The following SYT1 variants were observed in gnomAD, a reference collection of about 807,000 sequenced individuals.
SYT1 encodes the protein synaptotagmin-1.
A neutral mutation model predicts 44.8 loss-of-function variants in SYT1; 8 were observed. That is an observed-to-expected ratio of 0.18 (90% CI 0.10 to 0.32). SYT1 has a LOEUF of 0.32. SYT1 is among the 10% of genes least tolerant of loss of function. The pLI, the probability that SYT1 is intolerant of heterozygous loss-of-function variation, is 1.00. For missense variants in SYT1, 286 were observed against 509.3 expected (o/e 0.56, Z 4.22); for synonymous variants, 154 against 188.8 (o/e 0.82, Z 1.51).
chr12:79,416,817 TAAAG>T (rs1367334796), intron 9 of SYT1, among the ~76,000 whole-genome samples: 2 of 152,116 alleles, frequency 1.3e-5, no homozygotes, highest in African/African-American at 2.4e-5. Flanking sequence ...ACACTATTGA[TAAAG>T]AAAGAAGATA....
chr12:78,977,617 G>T (rs1364443366), intron 1 of SYT1, 182 bp from the exon 2 acceptor site: 2 of 152,116 alleles, frequency 1.3e-5, no homozygotes, highest in East Asian at 3.9e-4. Context: ...ATACCTATTG[G>T]TTCTTAGCCT....
At chr12:79,418,492 G>A (rs1359743430) in intron 9 of SYT1, among the ~76,000 whole-genome samples, 4 of 152,174 alleles carry the variant, frequency 2.6e-5, no homozygotes, top group South Asian at 2.1e-4. Flanking sequence ...TGAAGAGCCC[G>A]AACCTGTTAG....
At chr12:78,920,227 G>C (rs2137158826) in intron 1 of SYT1, among the ~76,000 whole-genome samples, 1 of 152,064 alleles carries the variant, frequency 6.6e-6, no homozygotes, top group Non-Finnish European at 1.5e-5. Flanking sequence ...ATGTAGTGAT[G>C]ACTTCTTACC....
intron 3 of SYT1, among the ~76,000 whole-genome samples, chr12:79,125,020 T>G (rs957567183): frequency 1.3e-5 from 2 of 152,126 alleles, no homozygotes; most frequent in African/African-American, 2.4e-5. Context: ...TTGTGGGTTT[T>G]GTTTGGTTTG....
intron 3 of SYT1, among the ~76,000 whole-genome samples, chr12:79,079,573 A>G (rs1014264999): frequency 6.6e-6 from 1 of 152,096 alleles, no homozygotes; most frequent in East Asian, 1.9e-4. Flanking sequence ...AATAAAATTA[A>G]TGTATCAAAG....
chr12:79,038,223 A>T (rs533389464), intron 2 of SYT1, among the ~76,000 whole-genome samples: 9 of 151,242 alleles, frequency 6.0e-5, no homozygotes, highest in African/African-American at 2.2e-4. Flanking sequence ...ACATATATAT[A>T]TACACACATA....
chr12:79,180,773 A>C (rs2052938086), intron 3 of SYT1, among the ~76,000 whole-genome samples: 1 of 152,092 alleles, frequency 6.6e-6, no homozygotes, highest in Admixed American at 6.6e-5. Context: ...CTATGATCCA[A>C]TCACCTCCCA....
intron 1 of SYT1, among the ~76,000 whole-genome samples, chr12:78,886,322 G>A (rs1874747291): frequency 6.6e-6 from 1 of 151,912 alleles, no homozygotes; most frequent in African/African-American, 2.4e-5. Context: ...TCCTGGATTG[G>A]TATTGCTTTT....
intron 9 of SYT1, among the ~76,000 whole-genome samples, chr12:79,421,723 T>A (rs1482752821): frequency 1.3e-5 from 2 of 150,896 alleles, no homozygotes; most frequent in Non-Finnish European, 1.5e-5. Flanking sequence ...TTTTTTTTTT[T>A]ATTGTTGGTG....
At chr12:79,350,428 A>G (rs1185725201) in intron 8 of SYT1, among the ~76,000 whole-genome samples, 2 of 151,268 alleles carry the variant, frequency 1.3e-5, no homozygotes, top group Non-Finnish European at 2.9e-5. Context: ...AATTTTTTCT[A>G]TTTTTAGTAG....
intron 4 of SYT1, among the ~76,000 whole-genome samples, chr12:79,281,179 T>G (rs1310902895): frequency 6.6e-6 from 1 of 152,120 alleles, no homozygotes; most frequent in Admixed American, 6.6e-5. Context: ...GAAGCCATTA[T>G]ATCAAAAAGA....
intron 3 of SYT1, among the ~76,000 whole-genome samples, chr12:79,195,406 C>T (rs1873388790): frequency 6.6e-6 from 1 of 150,428 alleles, no homozygotes; most frequent in South Asian, 2.1e-4. Flanking sequence ...AGAAATGCTG[C>T]ATTTTGTTGG....
chr12:79,016,416 G>T (rs371367082), intron 2 of SYT1, among the ~76,000 whole-genome samples: 4 of 152,248 alleles, frequency 2.6e-5, no homozygotes, highest in African/African-American at 9.6e-5. Context: ...CAGTGCAACT[G>T]CTTTCATACT....
intron 1 of SYT1, among the ~76,000 whole-genome samples, chr12:78,966,033 C>CG (rs1175558469): frequency 6.7e-6 from 1 of 149,296 alleles, no homozygotes; most frequent in African/African-American, 2.5e-5. Flanking sequence ...GATGAGACCA[C>CG]GCCACTGCAT....
At chr12:78,864,277 A>AC (rs1439887962), upstream of SYT1, 2 of 151,832 alleles carry the variant, frequency 1.3e-5, no homozygotes, top group Non-Finnish European at 2.9e-5. Context: ...CAGCTGGCGA[A>AC]CCCACACACA....
At chr12:78,938,793 G>A (rs1191046016) in intron 1 of SYT1, among the ~76,000 whole-genome samples, 1 of 152,168 alleles carries the variant, frequency 6.6e-6, no homozygotes. Context: ...TAACACTAAA[G>A]GAACAGCTGC....
intron 1 of SYT1, among the ~76,000 whole-genome samples, chr12:78,961,562 G>C (rs1331395974): frequency 6.6e-6 from 1 of 152,074 alleles, no homozygotes; most frequent in East Asian, 1.9e-4. Context: ...TTTTATCTTT[G>C]TAACTATGTC....
intron 9 of SYT1, among the ~76,000 whole-genome samples, chr12:79,385,013 G>A (rs1884379912): frequency 8.7e-6 from 1 of 114,924 alleles, no homozygotes; most frequent in Admixed American, 1.1e-4. Flanking sequence ...TTTTGAGACA[G>A]TCTCACTCTG....
At chr12:79,269,914 T>G (rs2138763975) in intron 4 of SYT1, among the ~76,000 whole-genome samples, 1 of 152,334 alleles carries the variant, frequency 6.6e-6, no homozygotes, top group South Asian at 2.1e-4. Context: ...GACCTCTGAT[T>G]GATTTAATCT....
Sources: gnomAD v4.1 joint callset for allele counts (sites outside exome capture counted in the v4.1 genomes callset) on GRCh38, gnomAD v4.1.1 for gene constraint, MANE v1.5 for transcripts, NCBI Gene and HGNC (gene_info 2026-07-23, HGNC 2026-07-21) for gene names.